CAMK2D: variants seen among roughly 807,000 people sequenced by gnomAD.
CAMK2D encodes calcium/calmodulin-dependent protein kinase type II subunit delta.
A neutral mutation model predicts 84.0 loss-of-function variants in CAMK2D; 37 were observed. That is an observed-to-expected ratio of 0.44 (90% CI 0.34 to 0.58). The LOEUF (loss-of-function observed/expected upper bound fraction) is 0.58. CAMK2D is among the 20% of genes least tolerant of loss of function. The pLI, the probability that CAMK2D is intolerant of heterozygous loss-of-function variation, is 0.02. For synonymous variants in CAMK2D, 202 were observed against 212.5 expected (o/e 0.95, Z 0.43); for missense variants, 448 against 652.5 (o/e 0.69, Z 3.41).
chr4:113,472,795 T>C lies in CAMK2D; in HGVS notation c.1136-7191A>G, dbSNP rs548383288. On this transcript the variant is annotated intron_variant, in intron 16 of 20. Coordinates refer to ENST00000511664, the MANE Select transcript of CAMK2D (RefSeq NM_001321571.2). ...AAAAGCTGTGCAATTAAAATTGTTA[T>C]ATAGCAACAATTTTTGTATCATCTT... is the stretch of plus-strand genomic sequence containing the variant. 6.0e-4 allele frequency among the ~76,000 whole-genome samples: 91 copies of C among 152,364 alleles called. 3 individuals carry two copies. Among genetic ancestry groups the C allele is most frequent in the African/African-American group, 2.0e-3 (82 of 41,590 alleles).
chr4:113,479,062 C>T lies in CAMK2D; in HGVS notation c.1136-13458G>A, dbSNP rs532215771. On this transcript the variant is annotated intron_variant, in intron 16 of 20. Transcript: ENST00000511664. Reference sequence around the variant, plus strand: ...AGAAACCAATGATCCTGTACACAGTCAATTCAAAAACAAATCATAGGTCTT... The same window carrying T: ...AGAAACCAATGATCCTGTACACAGTTAATTCAAAAACAAATCATAGGTCTT... Among the ~76,000 whole-genome samples, 62 of 152,238 alleles carry T rather than the reference C, an allele frequency of 4.1e-4. No individual in the cohort carries two copies. The South Asian group carries it at 0.013, about 31-fold the overall frequency.
intron 16 of CAMK2D, among the ~76,000 whole-genome samples, chr4:113,485,438 A>G (rs900019234): frequency 6.6e-6 from 1 of 152,198 alleles, no homozygotes; most frequent in African/African-American, 2.4e-5. Context: ...CTTCATGCCT[A>G]CTTGTCCTTT....
chr4:113,466,428 A>G (rs2097468637), intron 16 of CAMK2D, among the ~76,000 whole-genome samples: 1 of 152,200 alleles, frequency 6.6e-6, no homozygotes, highest in African/African-American at 2.4e-5. Flanking sequence ...TCTTCAGAGT[A>G]AAGATGATAT....
At chr4:113,534,605 G>A (rs1227372699) in intron 7 of CAMK2D, among the ~76,000 whole-genome samples, 1 of 152,098 alleles carries the variant, frequency 6.6e-6, no homozygotes, top group Non-Finnish European at 1.5e-5. Context: ...TTATTTGGAT[G>A]CTATTGCTTT....
At chr4:113,745,167 CA>C (rs2099601507) in intron 2 of CAMK2D, among the ~76,000 whole-genome samples, 1 of 152,184 alleles carries the variant, frequency 6.6e-6, no homozygotes, top group Admixed American at 6.5e-5. Flanking sequence ...AGCAAATTTG[CA>C]ATTTGGTAAA....
intron 6 of CAMK2D, among the ~76,000 whole-genome samples, chr4:113,541,774 C>A (rs1384516083): frequency 1.3e-5 from 2 of 152,064 alleles, no homozygotes; most frequent in Admixed American, 1.3e-4. Context: ...CTCTGCTTGG[C>A]ATGTTTTCTG....
intron 3 of CAMK2D, among the ~76,000 whole-genome samples, chr4:113,644,650 C>A (rs2099144458): frequency 6.6e-6 from 1 of 152,030 alleles, no homozygotes. Flanking sequence ...TCACATTAGA[C>A]CTAGAATTGA....
intron 2 of CAMK2D, among the ~76,000 whole-genome samples, chr4:113,744,178 G>A (rs1040826602): frequency 3.9e-5 from 6 of 152,050 alleles, no homozygotes; most frequent in Non-Finnish European, 5.9e-5. Flanking sequence ...TCATGTTATC[G>A]CCATTTGTTC....
chr4:113,729,010 T>C (rs182901886), intron 2 of CAMK2D, among the ~76,000 whole-genome samples: 13 of 152,324 alleles, frequency 8.5e-5, no homozygotes, highest in African/African-American at 2.9e-4. Context: ...TCTTATGGCA[T>C]TGTAGTTACT....
chr4:113,666,451 A>G lies in CAMK2D; in HGVS notation c.161-4679T>C, dbSNP rs573073616. On this transcript the variant is annotated intron_variant, in intron 2 of 20. Coordinates refer to ENST00000511664, the MANE Select transcript of CAMK2D (RefSeq NM_001321571.2). ...ATCCAGTGAAGTCCTCAGAGGCTACAGAGGTGTGAAAACCCACAGGTACCT... is the reference window on the plus strand; with the variant it reads ...ATCCAGTGAAGTCCTCAGAGGCTACGGAGGTGTGAAAACCCACAGGTACCT... Among the ~76,000 whole-genome samples the G allele has an allele frequency of 9.8e-4, 149 of 152,280 alleles. 1 individual carries two copies. Among genetic ancestry groups the G allele is most frequent in the Non-Finnish European group, 1.2e-4 (8 of 68,012 alleles).
At chr4:113,641,097 C>A (rs1355903769) in intron 3 of CAMK2D, among the ~76,000 whole-genome samples, 1 of 152,196 alleles carries the variant, frequency 6.6e-6, no homozygotes. Flanking sequence ...AGGAAGAAAG[C>A]CCCTTACAAG....
chr4:113,657,197 G>A (rs888455623), intron 3 of CAMK2D, among the ~76,000 whole-genome samples: 6 of 152,166 alleles, frequency 3.9e-5, no homozygotes, highest in East Asian at 1.9e-4. Context: ...AATCTGTATC[G>A]GCTTTAACTG....
chr4:113,569,403 T>G (rs1281057353), intron 4 of CAMK2D, among the ~76,000 whole-genome samples: 1 of 152,210 alleles, frequency 6.6e-6, no homozygotes, highest in African/African-American at 2.4e-5. Flanking sequence ...ATTTTAAGTT[T>G]TGCATATGGT....
At chr4:113,477,858 G>C (rs939001196) in intron 16 of CAMK2D, among the ~76,000 whole-genome samples, 2 of 151,738 alleles carry the variant, frequency 1.3e-5, no homozygotes, top group Non-Finnish European at 2.9e-5. Flanking sequence ...ATATATTTCA[G>C]AACCAACAAC....
intron 17 of CAMK2D, among the ~76,000 whole-genome samples, chr4:113,464,472 A>G (rs993083332): frequency 2.0e-5 from 3 of 152,204 alleles, no homozygotes; most frequent in Admixed American, 6.5e-5. Flanking sequence ...ATTTATGATT[A>G]TATCTTCAGC....
At chr4:113,547,742 T>C in intron 5 of CAMK2D, 26 bp from the exon 6 acceptor site, 1 of 1,491,476 alleles carries the variant, frequency 6.7e-7, no homozygotes, top group Non-Finnish European at 9.0e-7. Context: ...AGGGGGCGTG[T>C]GTTAGTTCCA....
intron 3 of CAMK2D, among the ~76,000 whole-genome samples, chr4:113,651,395 A>C (rs548964964): frequency 4.7e-4 from 71 of 152,292 alleles, no homozygotes; most frequent in African/African-American, 1.6e-3. Flanking sequence ...TGTGTAAATA[A>C]TAAGAATATG....
chr4:113,462,330 G>GTCTATCTATCTATCTATCTATCTATCTA (rs1295226081), intron 17 of CAMK2D, among the ~76,000 whole-genome samples: 2 of 129,346 alleles, frequency 1.5e-5, no homozygotes, highest in Non-Finnish European at 3.3e-5. Context: ...CTGTCTGTCT[G>GTCTATCTATCTATCTATCTATCTATCTA]TCTGTCTGTC....
intron 2 of CAMK2D, among the ~76,000 whole-genome samples, chr4:113,735,823 T>C (rs1055244076): frequency 6.6e-6 from 1 of 152,148 alleles, no homozygotes; most frequent in African/African-American, 2.4e-5. Flanking sequence ...AAAGTATATT[T>C]ATGTAAATAT....
Sources: gnomAD v4.1 joint callset for allele counts (sites outside exome capture counted in the v4.1 genomes callset) on GRCh38, gnomAD v4.1.1 for gene constraint, MANE v1.5 for transcripts, NCBI Gene and HGNC (gene_info 2026-07-23, HGNC 2026-07-21) for gene names.